LYPD1: variants seen among roughly 807,000 people sequenced by gnomAD.
LYPD1 encodes ly6/PLAUR domain-containing protein 1.
In LYPD1, 14 loss-of-function variants were observed where a neutral mutation model predicts 14.2. The ratio of observed to expected loss-of-function variants is 0.99; its 90% CI spans 0.65 to 1.54. The LOEUF is 1.54. Among genes scored for constraint, LYPD1 ranks in the 40% most tolerant of loss-of-function variants. The pLI, the probability that LYPD1 is intolerant of heterozygous loss-of-function variation, is 0.00. For missense variants in LYPD1, 165 were observed against 175.7 expected, an observed-to-expected ratio of 0.94 and a Z score of 0.34; for synonymous variants, 85 against 70.6, an observed-to-expected ratio of 1.20 and a Z score of -1.02.
chr2:132,669,747 C>T lies in LYPD1; in HGVS notation c.52+134G>A. 6.9e-7 allele frequency: 1 copy of T among 1,456,100 alleles called. No homozygotes were observed. 90.2% of individuals were successfully genotyped at this position (1,456,100 alleles called of 1,614,324 possible). On this transcript the variant is annotated intron_variant, in intron 1 of 2. Coordinates refer to ENST00000397463, the MANE Select transcript of LYPD1 (RefSeq NM_144586.7). This position sits in a 1 kb window ranked among gnomAD's most constrained non-coding sequence, Gnocchi z 4.3. The stretch of plus-strand genomic sequence containing the variant: ...CAGCCTCGCGCCCCGGGGCACCAGT[C>T]GCGGCCGCCAACTCCCGCTGGGCAG...
At chr2:132,666,317 CT>C (rs1683270334) in intron 2 of LYPD1, among the ~76,000 whole-genome samples, 1 of 152,188 alleles carries the variant, frequency 6.6e-6, no homozygotes, top group Non-Finnish European at 1.5e-5. Flanking sequence ...GGACATTGCT[CT>C]TTTGATGCAG....
chr2:132,664,285 C>T (rs1683140691), intron 2 of LYPD1, among the ~76,000 whole-genome samples: 1 of 152,202 alleles, frequency 6.6e-6, no homozygotes, highest in South Asian at 2.1e-4. Flanking sequence ...GGTTAACTTT[C>T]CACTTCTTTC....
intron 2 of LYPD1, among the ~76,000 whole-genome samples, chr2:132,649,011 T>C (rs7560906): frequency 0.12 from 18,151 of 151,960 alleles, 3,549 homozygotes; most frequent in African/African-American, 0.41. Flanking sequence ...TTGGGTGAGA[T>C]TGGATGTGAT....
intron 2 of LYPD1, among the ~76,000 whole-genome samples, chr2:132,664,609 A>G (rs1683166241): frequency 6.6e-6 from 1 of 152,240 alleles, no homozygotes; most frequent in South Asian, 2.1e-4. Flanking sequence ...TTCTCTCAAT[A>G]TACTGCATTT....
chr2:132,666,057 T>C (rs1332186666), intron 2 of LYPD1, among the ~76,000 whole-genome samples: 1 of 152,138 alleles, frequency 6.6e-6, no homozygotes, highest in Non-Finnish European at 1.5e-5. Flanking sequence ...GGCTGTGGCA[T>C]GAGGAAACAA....
At chr2:132,661,245 T>C (rs1271615756) in intron 2 of LYPD1, among the ~76,000 whole-genome samples, 1 of 152,080 alleles carries the variant, frequency 6.6e-6, no homozygotes, top group African/African-American at 2.4e-5. Flanking sequence ...ATTCAAGATC[T>C]CAAGGGAAAA....
intron 2 of LYPD1, among the ~76,000 whole-genome samples, chr2:132,661,148 G>A (rs1281226850): frequency 6.6e-6 from 1 of 152,178 alleles, no homozygotes; most frequent in African/African-American, 2.4e-5. Context: ...GAGGCCAGAT[G>A]TGGAGCTGGG....
Position 132,645,802 on chromosome 2 carries a change from ATG to A in LYPD1, c.*241_*242del. 1 of 763,836 alleles carries A rather than the reference ATG, an allele frequency of 1.3e-6. No homozygotes were observed. Among genetic ancestry groups the A allele is most frequent in the East Asian group, 2.7e-5 (1 of 36,662 alleles). The allele number at this position is 763,836 out of a possible 1,614,324, so 47.3% of individuals were successfully genotyped here. ...TGGCCTTGACTCCGGTTACACAGAC[ATG>A]GGGGTGAACTTTCACTCCACCTCCT... On this transcript the variant is annotated 3_prime_UTR_variant, in exon 3 of 3. Coordinates refer to ENST00000397463, the MANE Select transcript of LYPD1 (RefSeq NM_144586.7).
chr2:132,657,026 C>T (rs940712155), intron 2 of LYPD1, among the ~76,000 whole-genome samples: 1 of 152,142 alleles, frequency 6.6e-6, no homozygotes, highest in Non-Finnish European at 1.5e-5. Context: ...CAAGATAACC[C>T]AAGAACACAT....
chr2:132,657,147 CAACTT>C (rs759876901), intron 2 of LYPD1, among the ~76,000 whole-genome samples: 41 of 152,286 alleles, frequency 2.7e-4, no homozygotes, highest in African/African-American at 4.1e-4. Flanking sequence ...CCACTGATGT[CAACTT>C]AATTATAGCA....
At chr2:132,665,024 A>G (rs1301708120) in intron 2 of LYPD1, among the ~76,000 whole-genome samples, 1 of 152,258 alleles carries the variant, frequency 6.6e-6, no homozygotes, top group East Asian at 1.9e-4. Context: ...CAATGAAAGA[A>G]GTTGAAATGA....
intron 2 of LYPD1, among the ~76,000 whole-genome samples, chr2:132,664,059 G>A (rs1007224085): frequency 1.3e-5 from 2 of 151,936 alleles, no homozygotes; most frequent in Admixed American, 6.6e-5. Context: ...GTGTGTGTGT[G>A]CACATATGTG....
At chr2:132,649,853 C>G (rs1037735063) in intron 2 of LYPD1, among the ~76,000 whole-genome samples, 84 of 152,060 alleles carry the variant, frequency 5.5e-4, no homozygotes, top group African/African-American at 2.0e-3. Flanking sequence ...CATAAAAGTA[C>G]TAAACGACAC....
intron 2 of LYPD1, chr2:132,666,896 C>T (rs1185629526): frequency 6.6e-6 from 1 of 152,280 alleles, no homozygotes; most frequent in Non-Finnish European, 1.5e-5. Flanking sequence ...AAGTTCTTAA[C>T]GTGTCCACGG....
Position 132,648,948 on chromosome 2 carries a change from T to C in LYPD1, c.191-2668A>G, listed in dbSNP as rs1000559854. On this transcript the variant is annotated intron_variant, in intron 2 of 2. Transcript: ENST00000397463. ...GAGGCTCAGGGTAGCTGTGGGCTTC[T>C]ATGAGCCTCCCTTGGTTAAAATCTA... 8.5e-5 allele frequency among the ~76,000 whole-genome samples: 13 copies of C among 152,186 alleles called. No individual in the cohort carries two copies. The East Asian group carries it at 2.5e-3, about 29-fold the overall frequency.
At chr2:132,663,053 G>A (rs1289991351) in intron 2 of LYPD1, 2 of 152,146 alleles carry the variant, frequency 1.3e-5, no homozygotes, top group Admixed American at 6.5e-5. Context: ...AGAACTAAGT[G>A]GTCAACTGCT....
intron 2 of LYPD1, among the ~76,000 whole-genome samples, chr2:132,662,142 T>C (rs944328852): frequency 6.6e-6 from 1 of 152,178 alleles, no homozygotes; most frequent in African/African-American, 2.4e-5. Context: ...TTCTGAGAAA[T>C]ATAGAAACAG....
chr2:132,666,298 G>A (rs1683267734), intron 2 of LYPD1, among the ~76,000 whole-genome samples: 1 of 152,282 alleles, frequency 6.6e-6, no homozygotes, highest in South Asian at 2.1e-4. Flanking sequence ...GGAGGTATAA[G>A]GCCCCCCTGG....
At chr2:132,667,197 C>G (rs986814447) in intron 2 of LYPD1, among the ~76,000 whole-genome samples, 3 of 152,118 alleles carry the variant, frequency 2.0e-5, no homozygotes, top group South Asian at 2.1e-4. Flanking sequence ...CCGCATTTCT[C>G]GAGACAAGTT....
Sources: allele counts gnomAD v4.1 joint callset (sites outside exome capture counted in the v4.1 genomes callset), GRCh38; gene constraint gnomAD v4.1.1; non-coding constraint Gnocchi (gnomAD v3.1); transcripts MANE v1.5; gene names NCBI Gene and HGNC (gene_info 2026-07-23, HGNC 2026-07-21).